Variants in RBFOX1 observed in about 807,000 individuals in gnomAD.
RBFOX1 encodes RNA binding fox-1 homolog 1.
RBFOX1 carries 8 observed loss-of-function variants against 57.7 expected under a neutral mutation model. The ratio of observed to expected loss-of-function variants is 0.14; its 90% CI spans 0.08 to 0.25. RBFOX1 has a LOEUF of 0.25. Among genes scored for constraint, RBFOX1 ranks in the 10% least tolerant of loss-of-function variants. The probability of loss-of-function intolerance (pLI) is 1.00; values close to 1 mark genes in which losing one functional copy is unlikely to be tolerated. For synonymous variants in RBFOX1, 326 were observed against 222.4 expected (o/e 1.47, Z -4.15); for missense variants, 611 against 548.5 (o/e 1.11, Z -1.14).
At chr16:6,354,175 A>T (rs1381754202) in intron 2 of RBFOX1, among the ~76,000 whole-genome samples, 1 of 152,072 alleles carries the variant, frequency 6.6e-6, no homozygotes, top group Non-Finnish European at 1.5e-5. Context: ...AGCCGAGATC[A>T]TGCTAGTGCA....
chr16:7,637,796 T>C (rs981856995), intron 11 of RBFOX1, among the ~76,000 whole-genome samples: 1 of 152,194 alleles, frequency 6.6e-6, no homozygotes, highest in Admixed American at 6.5e-5. Flanking sequence ...GCTCCGGGAC[T>C]AGGGTAAGCA....
At chr16:5,293,463 T>C (rs1458417744) in intron 1 of RBFOX1, among the ~76,000 whole-genome samples, 1 of 152,126 alleles carries the variant, frequency 6.6e-6, no homozygotes, top group Non-Finnish European at 1.5e-5. Context: ...TGTCAGTGGG[T>C]CTCAACCTTG....
At chr16:5,459,786 A>C (rs2068736041) in intron 1 of RBFOX1, among the ~76,000 whole-genome samples, 1 of 152,048 alleles carries the variant, frequency 6.6e-6, no homozygotes, top group Non-Finnish European at 1.5e-5. Context: ...CCTACCAGCA[A>C]GTCCTCTTGA....
chr16:6,242,655 C>CACAT (rs1467840576), intron 1 of RBFOX1, among the ~76,000 whole-genome samples: 2 of 140,384 alleles, frequency 1.4e-5, no homozygotes, highest in Non-Finnish European at 1.5e-5. Context: ...CACACACACA[C>CACAT]ACACACACAT....
intron 1 of RBFOX1, among the ~76,000 whole-genome samples, chr16:5,304,971 G>C (rs73510369): frequency 1.3e-5 from 2 of 152,056 alleles, no homozygotes; most frequent in African/African-American, 4.8e-5. Flanking sequence ...TCCTTTACCT[G>C]TTTTTCAGTT....
chr16:7,090,836 C>T (rs2060714002), intron 4 of RBFOX1, among the ~76,000 whole-genome samples: 1 of 152,162 alleles, frequency 6.6e-6, no homozygotes, highest in Admixed American at 6.5e-5. Flanking sequence ...CTGAGCTGAG[C>T]ACCAGGCTAC....
intron 2 of RBFOX1, among the ~76,000 whole-genome samples, chr16:5,499,428 A>G (rs6500691): frequency 0.98 from 148,873 of 152,282 alleles, 72,786 homozygotes; most frequent in East Asian, 1. Context: ...GTTCCAGTGT[A>G]AACATCAACT....
chr16:6,144,639 C>T (rs753783214), intron 1 of RBFOX1, among the ~76,000 whole-genome samples: 35 of 152,240 alleles, frequency 2.3e-4, no homozygotes, highest in Non-Finnish European at 4.3e-4. Flanking sequence ...CACGCTGCAG[C>T]TTCTGCCCAC....
intron 2 of RBFOX1, among the ~76,000 whole-genome samples, chr16:6,619,142 C>G (rs1467131546): frequency 2.0e-5 from 3 of 151,168 alleles, no homozygotes; most frequent in African/African-American, 7.3e-5. Flanking sequence ...TCGCTACAGA[C>G]CGCTGACATG....
chr16:6,725,166 TC>T (rs1037928117), intron 3 of RBFOX1, among the ~76,000 whole-genome samples: 113 of 148,708 alleles, frequency 7.6e-4, no homozygotes, highest in African/African-American at 2.6e-3. Flanking sequence ...TTCTCCTGCC[TC>T]AGCCTCCCGA....
chr16:7,108,755 A>G (rs2064081340), intron 4 of RBFOX1, among the ~76,000 whole-genome samples: 1 of 152,098 alleles, frequency 6.6e-6, no homozygotes. Context: ...TTGGAGATAC[A>G]CTCACCCCTG....
At chr16:6,912,675 G>A (rs952841712) in intron 3 of RBFOX1, among the ~76,000 whole-genome samples, 2 of 151,252 alleles carry the variant, frequency 1.3e-5, no homozygotes, top group African/African-American at 4.9e-5. Context: ...GAGTACAGTG[G>A]CATGATCATA....
chr16:7,123,052 G>A (rs1200202524), intron 4 of RBFOX1, among the ~76,000 whole-genome samples: 1 of 152,016 alleles, frequency 6.6e-6, no homozygotes, highest in Admixed American at 6.6e-5. Context: ...GGGGTTGGGG[G>A]GAGGGTAGTT....
rs148345642 is a variant in RBFOX1, at chr16:7,254,698, A to C, written c.27+202600A>C. Among the ~76,000 whole-genome samples the C allele has an allele frequency of 2.7e-4, 41 of 152,250 alleles. 1 individual carries two copies. Among genetic ancestry groups the C allele is most frequent in the African/African-American group, 9.1e-4 (38 of 41,554 alleles). On this transcript the variant is annotated intron_variant, in intron 4 of 15. Transcript: ENST00000550418. ...TCAAATCTAAGTTAGAAAGACATTC[A>C]CAAGCCATTTTTGCAATTGTTATTA...
At chr16:5,895,801 C>A (rs1208267844) in intron 4 of RBFOX1, among the ~76,000 whole-genome samples, 1 of 152,098 alleles carries the variant, frequency 6.6e-6, no homozygotes, top group Non-Finnish European at 1.5e-5. Flanking sequence ...ACATTTAATA[C>A]CTTATACTGT....
chr16:5,860,863 C>G (rs531485840), intron 3 of RBFOX1, among the ~76,000 whole-genome samples: 12 of 152,166 alleles, frequency 7.9e-5, no homozygotes, highest in African/African-American at 2.9e-4. Context: ...CACGCAGCAT[C>G]TTTGATGGTC....
chr16:7,189,599 A>T (rs766474798), intron 4 of RBFOX1, among the ~76,000 whole-genome samples: 3 of 151,516 alleles, frequency 2.0e-5, no homozygotes, highest in Admixed American at 2.0e-4. Context: ...ACACACACAA[A>T]ATAGAGCACA....
intron 1 of RBFOX1, among the ~76,000 whole-genome samples, chr16:5,425,614 G>C (rs539589759): frequency 1.3e-5 from 2 of 152,340 alleles, no homozygotes; most frequent in Admixed American, 1.3e-4. Flanking sequence ...GAGAGAACGT[G>C]TCCTTTCTCT....
chr16:6,997,016 A>C (rs1322996268), intron 3 of RBFOX1, among the ~76,000 whole-genome samples: 3 of 152,198 alleles, frequency 2.0e-5, no homozygotes, highest in African/African-American at 7.2e-5. Flanking sequence ...GTATATGTAT[A>C]TATGTTTATA....
Sources: gnomAD v4.1 joint callset for allele counts (sites outside exome capture counted in the v4.1 genomes callset) on GRCh38, gnomAD v4.1.1 for gene constraint, MANE v1.5 for transcripts, NCBI Gene and HGNC (gene_info 2026-07-23, HGNC 2026-07-21) for gene names.